The following PRRC2A variants were observed in gnomAD, a reference collection of about 807,000 sequenced individuals.
PRRC2A encodes the protein proline rich coiled-coil 2A, also known as protein PRRC2A.
Under a neutral mutation model 224.6 loss-of-function variants are expected in PRRC2A, and 59 were observed. That is an observed-to-expected ratio of 0.26 (90% CI 0.21 to 0.33). The LOEUF is 0.33. Ranked by LOEUF, PRRC2A falls within the 10% of genes least tolerant of loss-of-function variation. The pLI is 1.00. For missense variants in PRRC2A, 3,095 were observed against 2,880.7 expected, an observed-to-expected ratio of 1.07 and a Z score of -1.70; for synonymous variants, 1,194 against 1,109.5, an observed-to-expected ratio of 1.08 and a Z score of -1.51.
intron 20 of PRRC2A, 92 bp downstream of exon 20, chr6:31,634,649 C>G: frequency 6.4e-7 from 1 of 1,573,264 alleles, no homozygotes; most frequent in South Asian, 1.1e-5. Context: ...TGGAGCTGTT[C>G]TCTCACTTGG....
rs371361730 is a variant in PRRC2A at position 31,632,477 on chromosome 6, A to G, written c.3804A>G (p.Ala1268=). Residue 1268 remains alanine (A), a synonymous_variant, in exon 16 of 31, where the codon GCA becomes GCG. Transcript: ENST00000376033. ...RRLKQERENA[A]RGSEGKPSLT... ...TGAAGCAGGAACGGGAGAATGCCGC[A>G]AGGGGGTCTGAGGGCAAGCCCTCCC... 159 of 1,607,166 alleles carry G rather than the reference A, an allele frequency of 9.9e-5. No individual in the cohort carries two copies. The highest frequency in any genetic ancestry group is 3.3e-4 in the Middle Eastern group (2 of 6,062).
rs1379547548 is a variant in PRRC2A, at chr6:31,632,821, G to A, written c.4148G>A (p.Arg1383Gln). Residue 1383 changes from arginine to glutamine, a missense_variant, in exon 16 of 31, where the codon CGG (arginine) becomes CAG (glutamine). By Grantham distance (43) the Arg-to-Gln change is conservative (BLOSUM62 1). Transcript: ENST00000376033. The part of the protein sequence containing the change: ...LSQRAKDLSK[R>Q]SFSSQRPGME... The stretch of plus-strand genomic sequence containing the variant: ...CAGAGAGCCAAGGATTTGAGTAAAC[G>A]GAGCTTCTCAAGTCAGCGGCCAGGC... The A allele has an allele frequency of 5.0e-6, 8 of 1,613,152 alleles. No individual in the cohort carries two copies. Among genetic ancestry groups the A allele is most frequent in the East Asian group, 4.5e-5 (2 of 44,876 alleles).
At position 31,635,680 on chromosome 6, in the gene PRRC2A, G is replaced by C. The variant is rs780066231; in HGVS notation, c.5472G>C (p.Glu1824Asp). 3 of 1,612,854 alleles carry C rather than the reference G, an allele frequency of 1.9e-6. No individual in the cohort carries two copies. Among genetic ancestry groups the C allele is most frequent in the Admixed American group, 3.3e-5 (2 of 60,012 alleles). Residue 1824 changes from glutamate to aspartate, a missense_variant, in exon 24 of 31, where the codon GAG becomes GAC. By Grantham distance (45) the Glu-to-Asp change is conservative. Around this residue, in one of 8 missense-constraint regions of PRRC2A, gnomAD observed 662 missense variants for 609.5 expected, o/e 1.09. Coordinates refer to ENST00000376033, the MANE Select transcript of PRRC2A (RefSeq NM_004638.4). ...TGGATTCTGGGCACTGTGTCCCGGAGCCCAGCTCCTCAGGCCAGCGCCTGT... is the reference window on the plus strand; with the variant it reads ...TGGATTCTGGGCACTGTGTCCCGGACCCCAGCTCCTCAGGCCAGCGCCTGT... The part of the protein sequence containing the change: ...KNLDSGHCVP[E>D]PSSSGQRLYP...
chr6:31,636,105 G>C lies in PRRC2A; in HGVS notation c.5624+56G>C. 6.4e-7 allele frequency: 1 copy of C among 1,571,036 alleles called. No individual in the cohort carries two copies. The highest frequency in any genetic ancestry group is 8.8e-7 in the Non-Finnish European group (1 of 1,141,590). On this transcript the variant is annotated intron_variant, in intron 25 of 30. Coordinates refer to ENST00000376033, the MANE Select transcript of PRRC2A (RefSeq NM_004638.4). The surrounding 1 kb of genome is among the most constrained non-coding windows in gnomAD (Gnocchi z 4.3). ...TACTTGGAGATGTGTTTCGGGGAGAGGGAAGGGGAAGACACAGTTCTAGGG... is the reference window on the plus strand; with the variant it reads ...TACTTGGAGATGTGTTTCGGGGAGACGGAAGGGGAAGACACAGTTCTAGGG...
rs772430524 is a variant in PRRC2A at position 31,631,759 on chromosome 6, G to A, written c.3086G>A (p.Gly1029Asp). 3.9e-6 allele frequency: 6 copies of A among 1,545,696 alleles called. No individual in the cohort carries two copies. Among genetic ancestry groups the A allele is most frequent in the South Asian group, 1.2e-5 (1 of 80,908 alleles). The change falls in exon 16 of 31, where the codon GGC becomes GAC. Residue 1029 changes from glycine to aspartate, a missense_variant. Gly to Asp is a moderately conservative substitution (Grantham distance 94, BLOSUM62 -1). Around this residue, in one of 8 missense-constraint regions of PRRC2A, gnomAD observed 2,001 missense variants for 1,764.9 expected, o/e 1.13. Coordinates refer to ENST00000376033, the MANE Select transcript of PRRC2A (RefSeq NM_004638.4). This position sits in a 1 kb window ranked among gnomAD's most constrained non-coding sequence, Gnocchi z 4.5. ...ACCTCTTGCCGGGGTCGGGGCCGAG[G>A]CGAGTATTTTGCCAGAGGGAGGGGT... ...GPTSCRGRGR[G>D]EYFARGRGFR...
At position 31,620,866 on chromosome 6, in the gene PRRC2A, T is replaced by C. The variant is rs1775171944; in HGVS notation, c.-101+8T>C. 1 of 153,644 alleles carries C rather than the reference T, an allele frequency of 6.5e-6. No homozygotes were observed. The highest frequency in any genetic ancestry group is 2.4e-5 in the African/African-American group (1 of 41,448). The allele number at this position is 153,644 out of a possible 1,614,324, so 9.5% of individuals were successfully genotyped here. A position where few individuals can be genotyped will look rare whatever the true frequency, so the allele number is the denominator to read the frequency against. On this transcript the variant is annotated splice_region_variant and intron_variant, in intron 1 of 30. Transcript: ENST00000376033. ...CCCCGCGCACCCGGCCAGGTGAGTCTGGGTGAACCGTGCGCTGACGCCCTT... is the reference window on the plus strand; with the variant it reads ...CCCCGCGCACCCGGCCAGGTGAGTCCGGGTGAACCGTGCGCTGACGCCCTT...
chr6:31,625,117 G>A lies in PRRC2A; in HGVS notation c.464-54G>A. ...CCAGCCAGAGTCTTCCACTTTTATA[G>A]CATGTCCTCAGGAAATGTCTTCTGT... On this transcript the variant is annotated intron_variant, in intron 5 of 30. Coordinates refer to ENST00000376033, the MANE Select transcript of PRRC2A (RefSeq NM_004638.4). This position sits in a 1 kb window ranked among gnomAD's most constrained non-coding sequence, Gnocchi z 4.1. The A allele has an allele frequency of 6.4e-7, 1 of 1,574,384 alleles. No individual in the cohort carries two copies. Among genetic ancestry groups the A allele is most frequent in the Non-Finnish European group, 8.7e-7 (1 of 1,154,020 alleles).
chr6:31,636,549 ACTC>A lies in PRRC2A; in HGVS notation c.5879_5881del (p.Pro1960del), dbSNP rs1777370686. The A allele has an allele frequency of 1.2e-6, 2 of 1,607,704 alleles. No individual in the cohort carries two copies. The highest frequency in any genetic ancestry group is 3.4e-5 in the Admixed American group (2 of 59,252). On this transcript the variant is annotated inframe_deletion, in exon 27 of 31. Transcript: ENST00000376033. This position sits in a 1 kb window ranked among gnomAD's most constrained non-coding sequence, Gnocchi z 4.3. ...GCCATCCCCTTCGGATTTTTATTCT[ACTC>A]CTCTGCAGCCTGGTGGCCAAAGTGG...
chr6:31,632,088 C>T lies in PRRC2A; in HGVS notation c.3415C>T (p.Pro1139Ser), dbSNP rs1291143312. Residue 1139 changes from proline (P) to serine (S), a missense_variant, in exon 16 of 31, where the codon CCC becomes TCC. This residue lies in a region of PRRC2A where 2,001 missense variants were observed against 1,764.9 expected (regional missense o/e 1.13). Transcript: ENST00000376033. ...AACACTCACCCAGGTCCCTCTCGCT[C>T]CCCCACCACCAGGAGCCCCACCTTC... ...EGTLTQVPLA[P>S]PPPGAPPSPA... 1.3e-6 allele frequency: 2 copies of T among 1,551,468 alleles called. No homozygotes were observed. The highest frequency in any genetic ancestry group is 1.2e-5 in the South Asian group (1 of 81,200).
chr6:31,631,317 A>G lies in PRRC2A; in HGVS notation c.2644A>G (p.Lys882Glu). The part of the protein sequence containing the change: ...EVAKIQTPPP[K>E]KEPPKEETAQ... ...GGCCAAGATACAAACTCCACCACCC[A>G]AGAAGGAGCCCCCTAAGGAGGAGAC... Residue 882 changes from lysine to glutamate, a missense_variant, in exon 16 of 31, where the codon AAG becomes GAG. This residue lies in a region of PRRC2A where 2,001 missense variants were observed against 1,764.9 expected (regional missense o/e 1.13). Coordinates refer to ENST00000376033, the MANE Select transcript of PRRC2A (RefSeq NM_004638.4). The surrounding 1 kb of genome is among the most constrained non-coding windows in gnomAD (Gnocchi z 4.5). 6 of 1,607,166 alleles carry G rather than the reference A, an allele frequency of 3.7e-6. No individual in the cohort carries two copies. Among genetic ancestry groups the G allele is most frequent in the Non-Finnish European group, 1.7e-6 (2 of 1,177,886 alleles).
At chr6:31,624,800 C>T (rs1455817608) in intron 5 of PRRC2A, 1 of 546,408 alleles carries the variant, frequency 1.8e-6, no homozygotes, top group African/African-American at 1.9e-5. Flanking sequence ...TCAGAGCCTT[C>T]CACTTTTTTT....
intron 2 of PRRC2A, 192 bp downstream of exon 2, chr6:31,623,093 C>T (rs374008132): frequency 3.3e-5 from 25 of 762,434 alleles, no homozygotes; most frequent in African/African-American, 5.1e-5. Context: ...CCTACAAAGG[C>T]GTGTCTGTGG....
rs1451144654 is a variant in PRRC2A at position 31,625,750 on chromosome 6, A to G, written c.760-42A>G. ...CAGGCTTAAGGAGCTAGAAGGGTAT[A>G]TGACTGTCCCTCTGAGCAGCTACTG... On this transcript the variant is annotated intron_variant, in intron 7 of 30. Transcript: ENST00000376033. The surrounding 1 kb of genome is among the most constrained non-coding windows in gnomAD (Gnocchi z 4.1). The G allele has an allele frequency of 5.1e-6, 8 of 1,555,862 alleles. No individual in the cohort carries two copies. Among genetic ancestry groups the G allele is most frequent in the Admixed American group, 3.3e-5 (2 of 59,896 alleles).
At position 31,632,141 on chromosome 6, in the gene PRRC2A, G is replaced by A; in HGVS notation, c.3468G>A (p.Arg1156=). ...CAGCCCCAGCCCGCTTCACTGCCCG[G>A]GGTGGGCGAGTCTTCACTCCCAGAG... is the stretch of plus-strand genomic sequence containing the variant. ...PSPAPARFTA[R]GGRVFTPRGV... Residue 1156 remains arginine, a synonymous_variant, in exon 16 of 31, where the codon CGG becomes CGA. Coordinates refer to ENST00000376033, the MANE Select transcript of PRRC2A (RefSeq NM_004638.4). 1 of 1,564,602 alleles carries A rather than the reference G, an allele frequency of 6.4e-7. No individual in the cohort carries two copies. Among genetic ancestry groups the A allele is most frequent in the Non-Finnish European group, 8.7e-7 (1 of 1,155,906 alleles).
intron 1 of PRRC2A, among the ~76,000 whole-genome samples, chr6:31,621,854 G>A (rs560905426): frequency 6.6e-4 from 100 of 152,346 alleles, no homozygotes; most frequent in South Asian, 1.0e-3. Flanking sequence ...ATCGAGTAAA[G>A]AAACACTGGT....
At position 31,631,395 on chromosome 6, in the gene PRRC2A, A is replaced by C; in HGVS notation, c.2722A>C (p.Ser908Arg). The C allele has an allele frequency of 6.2e-7, 1 of 1,607,850 alleles. No homozygotes were observed. Among genetic ancestry groups the C allele is most frequent in the Non-Finnish European group, 8.5e-7 (1 of 1,178,116 alleles). ...CCGAAAGCCTGCCCGCGGAGTCGGG[A>C]GTGGAGGCCAGGGCCCCCCACCACC... ...AGRKPARGVGSGGQGPPPPRR... is the reference protein window; with the variant it reads ...AGRKPARGVGRGGQGPPPPRR... Residue 908 changes from serine (S) to arginine (R), a missense_variant, in exon 16 of 31, where the codon AGT becomes CGT. Around this residue, in one of 8 missense-constraint regions of PRRC2A, gnomAD observed 2,001 missense variants for 1,764.9 expected, o/e 1.13. Transcript: ENST00000376033. This position sits in a 1 kb window ranked among gnomAD's most constrained non-coding sequence, Gnocchi z 4.5.
chr6:31,632,526 G>A lies in PRRC2A; in HGVS notation c.3853G>A (p.Gly1285Arg). 6.2e-7 allele frequency: 1 copy of A among 1,609,724 alleles called. No homozygotes were observed. Among genetic ancestry groups the A allele is most frequent in the Non-Finnish European group, 8.5e-7 (1 of 1,177,834 alleles). The change falls in exon 16 of 31, where the codon GGA (glycine) becomes AGA (arginine). Residue 1285 changes from glycine to arginine, a missense_variant. By Grantham distance (125) the Gly-to-Arg change is moderately radical (BLOSUM62 -2). Around this residue, in one of 8 missense-constraint regions of PRRC2A, gnomAD observed 2,001 missense variants for 1,764.9 expected, o/e 1.13. Transcript: ENST00000376033. ...PSLTLPASAP[G>R]PEEALTTVTV... is the part of the protein sequence containing the mutation. Reference sequence around the variant, plus strand: ...CCTAACCCTTCCAGCCTCCGCTCCTGGACCTGAGGAGGCCCTCACAACAGT... The same window carrying A: ...CCTAACCCTTCCAGCCTCCGCTCCTAGACCTGAGGAGGCCCTCACAACAGT...
chr6:31,621,151 C>T (rs1561786182), intron 1 of PRRC2A, among the ~76,000 whole-genome samples: 1 of 152,204 alleles, frequency 6.6e-6, no homozygotes, highest in Non-Finnish European at 1.5e-5. Context: ...CCCTACCCTC[C>T]GCTGCGCTCC....
chr6:31,631,525 CTA>C lies in PRRC2A; in HGVS notation c.2855_2856del (p.Ile952LysfsTer22). On this transcript the variant is annotated frameshift_variant, in exon 16 of 31. Coordinates refer to ENST00000376033, the MANE Select transcript of PRRC2A (RefSeq NM_004638.4). LOFTEE classifies it high-confidence loss of function. This position sits in a 1 kb window ranked among gnomAD's most constrained non-coding sequence, Gnocchi z 4.5. ...GGGGCCCCACCCCGCCGGGCTGGGC[CTA>C]TAAAGAAACCTCCACCACCTACAAA... The C allele has an allele frequency of 6.3e-7, 1 of 1,597,246 alleles. No individual in the cohort carries two copies. The highest frequency in any genetic ancestry group is 8.5e-7 in the Non-Finnish European group (1 of 1,175,010).
Sources: allele counts gnomAD v4.1 joint callset (sites outside exome capture counted in the v4.1 genomes callset), GRCh38; gene constraint gnomAD v4.1.1; regional missense constraint gnomAD v4.1.1; non-coding constraint Gnocchi (gnomAD v3.1); transcripts MANE v1.5; gene names NCBI Gene and HGNC (gene_info 2026-07-23, HGNC 2026-07-21).